KIFAP3: variants seen among roughly 807,000 people sequenced by gnomAD.
KIFAP3 encodes the protein kinesin-associated protein 3.
Under a neutral mutation model 106.5 loss-of-function variants are expected in KIFAP3, and 68 were observed. The ratio of observed to expected loss-of-function variants is 0.64; its 90% CI spans 0.53 to 0.78. The LOEUF (loss-of-function observed/expected upper bound fraction) is 0.78, where lower values mean the gene tolerates loss of function less well. KIFAP3 is among the 30% of genes least tolerant of loss of function. The pLI is 0.00. For synonymous variants in KIFAP3, 320 were observed against 311.5 expected (o/e 1.03, Z -0.29); for missense variants, 780 against 941.8 (o/e 0.83, Z 2.25).
intron 7 of KIFAP3, among the ~76,000 whole-genome samples, chr1:170,033,616 T>A (rs1444160065): frequency 6.6e-6 from 1 of 151,740 alleles, no homozygotes; most frequent in Non-Finnish European, 1.5e-5. Flanking sequence ...AATTATGATG[T>A]TGAAGAGAAT....
chr1:169,997,866 C>CA (rs11297528), intron 10 of KIFAP3, among the ~76,000 whole-genome samples: 59 of 74,064 alleles, frequency 8.0e-4, no homozygotes, highest in South Asian at 1.9e-3. Context: ...TGAGACGTCT[C>CA]AAAAAAAAAA....
At chr1:169,964,469 C>T (rs775046814) in intron 17 of KIFAP3, among the ~76,000 whole-genome samples, 1 of 152,072 alleles carries the variant, frequency 6.6e-6, no homozygotes, top group Non-Finnish European at 1.5e-5. Context: ...GAGAATATAA[C>T]AAATAACCCC....
intron 19 of KIFAP3, among the ~76,000 whole-genome samples, chr1:169,947,444 G>A (rs928508989): frequency 1.3e-5 from 2 of 151,870 alleles, no homozygotes; most frequent in Non-Finnish European, 3.0e-5. Flanking sequence ...AGCAACCCTT[G>A]CAAATATCCC....
At chr1:170,037,610 GC>G (rs1669755835) in intron 5 of KIFAP3, among the ~76,000 whole-genome samples, 1 of 151,706 alleles carries the variant, frequency 6.6e-6, no homozygotes, top group South Asian at 2.1e-4. Flanking sequence ...GGTGGCACGT[GC>G]CTATAATCCC....
intron 18 of KIFAP3, among the ~76,000 whole-genome samples, chr1:169,955,733 A>G (rs1401221671): frequency 6.6e-6 from 1 of 152,170 alleles, no homozygotes; most frequent in East Asian, 1.9e-4. Flanking sequence ...CACCTTTGGT[A>G]TCTGTCCTAT....
At chr1:169,944,977 G>A (rs1024988108) in intron 19 of KIFAP3, among the ~76,000 whole-genome samples, 29 of 152,258 alleles carry the variant, frequency 1.9e-4, no homozygotes, top group Middle Eastern at 3.4e-3. Context: ...TAGAAGGTGG[G>A]GTTTCACTGG....
At chr1:170,053,463 C>A (rs545363779) in intron 2 of KIFAP3, among the ~76,000 whole-genome samples, 1 of 151,450 alleles carries the variant, frequency 6.6e-6, no homozygotes, top group South Asian at 2.1e-4. Context: ...ATTTTTTTCA[C>A]AGAACTAGGA....
rs1464335354 is a variant in KIFAP3, at chr1:170,024,534, T to C, written c.904A>G (p.Lys302Glu). The C allele has an allele frequency of 6.2e-7, 1 of 1,606,562 alleles. No homozygotes were observed. The highest frequency in any genetic ancestry group is 1.1e-5 in the South Asian group (1 of 89,668). Residue 302 changes from lysine to glutamate, a missense_variant, in exon 9 of 20, where the codon AAG becomes GAG. Physicochemically the swap from Lys to Glu is moderately conservative, Grantham distance 56. Transcript: ENST00000361580. ...TTCACCAACATGTGAACTATGTTCT[T>C]GTTCCTCATTTTCAGTTCGGTACGA... ...DTRTELKMRN[K>E]NIVHMLVKAL... is the part of the protein sequence containing the mutation.
At chr1:170,075,786 C>T (rs1017548109), upstream of KIFAP3, among the ~76,000 whole-genome samples, 2 of 152,164 alleles carry the variant, frequency 1.3e-5, no homozygotes, top group African/African-American at 4.8e-5. Flanking sequence ...TAAAGTGTTA[C>T]AAAATTCTAT....
intron 9 of KIFAP3, 52 bp from the exon 10 acceptor site, chr1:170,016,676 A>T (rs1668538990): frequency 9.2e-7 from 1 of 1,087,654 alleles, no homozygotes; most frequent in Non-Finnish European, 1.3e-6. Flanking sequence ...AAAATAGGAC[A>T]AAAAGAATAT....
intron 19 of KIFAP3, among the ~76,000 whole-genome samples, chr1:169,950,508 C>T (rs940068731): frequency 2.0e-5 from 3 of 152,048 alleles, no homozygotes; most frequent in African/African-American, 7.2e-5. Flanking sequence ...AAAGGAAAAA[C>T]ACCCAACAAC....
At chr1:170,045,403 A>G (rs1317301932) in intron 3 of KIFAP3, among the ~76,000 whole-genome samples, 1 of 152,194 alleles carries the variant, frequency 6.6e-6, no homozygotes, top group Non-Finnish European at 1.5e-5. Context: ...AAGGCTTTTA[A>G]AAAGTCTAAA....
At chr1:170,060,469 T>A (rs540076907) in intron 1 of KIFAP3, among the ~76,000 whole-genome samples, 1 of 152,252 alleles carries the variant, frequency 6.6e-6, no homozygotes, top group East Asian at 1.9e-4. Flanking sequence ...GTGAAGGACC[T>A]CTTCAAGGAG....
chr1:170,048,630 G>A (rs917585214), intron 2 of KIFAP3, among the ~76,000 whole-genome samples: 2 of 151,548 alleles, frequency 1.3e-5, no homozygotes, highest in African/African-American at 2.4e-5. Context: ...ACTTCCAACT[G>A]AGGTACCCAG....
At chr1:169,978,064 C>T (rs201376183) in intron 16 of KIFAP3, 21 bp downstream of exon 16, 42 of 1,438,986 alleles carry the variant, frequency 2.9e-5, no homozygotes, top group Middle Eastern at 1.7e-4. Flanking sequence ...TTGTTATCTA[C>T]GGTAAACACT....
At chr1:170,041,939 A>T in intron 3 of KIFAP3, 1 of 1,132,816 alleles carries the variant, frequency 8.8e-7, no homozygotes, top group Non-Finnish European at 1.2e-6. Context: ...CGTTTCAGTT[A>T]TGAAACCTGG....
chr1:169,937,710 A>C (rs1245865783), intron 19 of KIFAP3, among the ~76,000 whole-genome samples: 2 of 151,854 alleles, frequency 1.3e-5, no homozygotes, highest in African/African-American at 4.8e-5. Context: ...AGATACAACC[A>C]ACTTTAAGAT....
chr1:169,937,832 G>A (rs561243077), intron 19 of KIFAP3, among the ~76,000 whole-genome samples: 3 of 151,798 alleles, frequency 2.0e-5, no homozygotes, highest in East Asian at 3.9e-4. Flanking sequence ...ATTCCTCCAG[G>A]TGCAACACAA....
At chr1:170,054,258 G>A (rs1670728407) in intron 2 of KIFAP3, among the ~76,000 whole-genome samples, 1 of 152,104 alleles carries the variant, frequency 6.6e-6, no homozygotes, top group Non-Finnish European at 1.5e-5. Flanking sequence ...CTCATCATCG[G>A]TCATTAGAAA....
Sources: gnomAD v4.1 joint callset for allele counts (sites outside exome capture counted in the v4.1 genomes callset) on GRCh38, gnomAD v4.1.1 for gene constraint, MANE v1.5 for transcripts, NCBI Gene and HGNC (gene_info 2026-07-23, HGNC 2026-07-21) for gene names.